Variants in RUNX3 observed in about 807,000 individuals in gnomAD.
RUNX3 encodes runt-related transcription factor 3.
In RUNX3, 10 loss-of-function variants were observed where a neutral mutation model predicts 27.7. The ratio of observed to expected loss-of-function variants is 0.36; its 90% confidence interval spans 0.22 to 0.61. The LOEUF (loss-of-function observed/expected upper bound fraction) is 0.61. Among genes scored for constraint, RUNX3 ranks in the 20% least tolerant of loss-of-function variants. RUNX3 has a pLI of 0.72. For missense variants in RUNX3, 469 were observed against 629.5 expected, an observed-to-expected ratio of 0.75 and a Z score of 2.73; for synonymous variants, 270 against 269.2, an observed-to-expected ratio of 1.00 and a Z score of -0.03.
At chr1:24,928,875 G>C (rs933673115) in intron 1 of RUNX3, 36 of 363,058 alleles carry the variant, frequency 9.9e-5, no homozygotes, top group Non-Finnish European at 1.5e-4. Flanking sequence ...CTTTTCTCAC[G>C]GCAGCTGTGA....
chr1:24,917,728 AG>A (rs1640915972), intron 3 of RUNX3, among the ~76,000 whole-genome samples: 1 of 152,176 alleles, frequency 6.6e-6, no homozygotes, highest in Admixed American at 6.5e-5. Context: ...TTTTCAGTTC[AG>A]GAAACTGAGG....
chr1:24,938,973 A>G (rs1641411785), intron 2 of RUNX3, among the ~76,000 whole-genome samples: 1 of 152,204 alleles, frequency 6.6e-6, no homozygotes, highest in South Asian at 2.1e-4. Flanking sequence ...AGAGTGAACT[A>G]AGACACTCTC....
intron 2 of RUNX3, among the ~76,000 whole-genome samples, chr1:24,953,378 A>C (rs1396825830): frequency 1.7e-5 from 2 of 115,080 alleles, no homozygotes; most frequent in Non-Finnish European, 3.6e-5. Context: ...AAAAAAAAAA[A>C]AGAAAAGAAA....
rs553850179 is a variant in RUNX3 at position 24,916,108 on chromosome 1, C to T, written c.544+3132G>A. On this transcript the variant is annotated intron_variant, in intron 3 of 4. Transcript: ENST00000308873. This position sits in a 1 kb window ranked among gnomAD's most constrained non-coding sequence, Gnocchi z 4.8. ...CTCAGGGATCTACAGATTCCCAGTC[C>T]TTGGCTCCCAGGACCAGCCCCTACT... Among the ~76,000 whole-genome samples, 7 of 152,350 alleles carry T rather than the reference C, an allele frequency of 4.6e-5. No homozygotes were observed. The highest frequency in any genetic ancestry group is 4.6e-4 in the Admixed American group (7 of 15,302).
chr1:24,959,782 T>G (rs914982675), intron 2 of RUNX3, among the ~76,000 whole-genome samples: 1 of 152,034 alleles, frequency 6.6e-6, no homozygotes, highest in Non-Finnish European at 1.5e-5. Flanking sequence ...CAGGCCTGCC[T>G]CATACCCAAG....
chr1:24,920,854 C>A lies in RUNX3; in HGVS notation c.440-1510G>T, dbSNP rs6656305. On this transcript the variant is annotated intron_variant, in intron 2 of 4. Transcript: ENST00000308873. ...TTCTACAGTGAATTCTCTGATGTGTCTGGGAGTTTGGGGGTCTGGGTAAGA... is the reference window on the plus strand; with the variant it reads ...TTCTACAGTGAATTCTCTGATGTGTATGGGAGTTTGGGGGTCTGGGTAAGA... Among the ~76,000 whole-genome samples the A allele has an allele frequency of 8.1e-3, 1,234 of 152,292 alleles. 20 individuals are homozygous for A. Among genetic ancestry groups the A allele is most frequent in the African/African-American group, 0.028 (1,168 of 41,530 alleles).
rs1243619895 is a variant in RUNX3, at chr1:24,946,271, A to T, written c.59-16419T>A. Among the ~76,000 whole-genome samples, 3 of 152,226 alleles carry T rather than the reference A, an allele frequency of 2.0e-5. No homozygotes were observed. In the East Asian group the frequency reaches 5.8e-4, roughly 29 times the overall value. On this transcript the variant is annotated intron_variant, in intron 2 of 6. Coordinates refer to the RUNX3 transcript ENST00000338888. ...AAATAATAAAATTATGAAGAAGAAA[A>T]TTAAAACCATCCATAATCCTGCCAC...
chr1:24,930,333 G>C (rs1365029803), upstream of RUNX3: 1 of 597,714 alleles, frequency 1.7e-6, no homozygotes, highest in Non-Finnish European at 2.1e-6. This position sits in a 1 kb window ranked among gnomAD's most constrained non-coding sequence, Gnocchi z 4.1. Context: ...GGCGGGGCTG[G>C]CGGAGCGACG....
At chr1:24,947,328 T>C (rs1641633100) in intron 2 of RUNX3, among the ~76,000 whole-genome samples, 1 of 152,248 alleles carries the variant, frequency 6.6e-6, no homozygotes, top group African/African-American at 2.4e-5. Context: ...AGCCAGGTCC[T>C]GTGCCTGTTT....
At position 24,927,478 on chromosome 1, in the gene RUNX3, C is replaced by G. The variant is rs111937885; in HGVS notation, c.439+96G>C. ...TTTAGACAGAGCTGCATCTGGAGACCTGTTTTTCGGGATTCTAAGGCCCCT... is the reference window on the plus strand; with the variant it reads ...TTTAGACAGAGCTGCATCTGGAGACGTGTTTTTCGGGATTCTAAGGCCCCT... On this transcript the variant is annotated intron_variant, in intron 2 of 4. Transcript: ENST00000308873. The surrounding 1 kb of genome is among the most constrained non-coding windows in gnomAD (Gnocchi z 5.0). 1,007 of 1,200,296 alleles carry G rather than the reference C, an allele frequency of 8.4e-4. 3 individuals carry two copies. The highest frequency in any genetic ancestry group is 7.8e-3 in the Middle Eastern group (34 of 4,334). The allele number at this position is 1,200,296 out of a possible 1,614,324, so 74.4% of individuals were successfully genotyped here. A position where few individuals can be genotyped will look rare whatever the true frequency, so the allele number is the denominator to read the frequency against.
rs1046179682 is a variant in RUNX3 at position 24,904,816 on chromosome 1, A to C, written c.704-2150T>G. Among the ~76,000 whole-genome samples the C allele has an allele frequency of 4.6e-5, 7 of 152,012 alleles. No homozygotes were observed. Among genetic ancestry groups the C allele is most frequent in the Admixed American group, 6.5e-5 (1 of 15,272 alleles). On this transcript the variant is annotated intron_variant, in intron 4 of 4. Transcript: ENST00000308873. The surrounding 1 kb of genome is among the most constrained non-coding windows in gnomAD (Gnocchi z 5.7). Reference sequence around the variant, plus strand: ...GGTGGTGGGGGAAGTACCTGCCCTCAGCACTCCCTCAGACCCCCCAGCAGC... The same window carrying C: ...GGTGGTGGGGGAAGTACCTGCCCTCCGCACTCCCTCAGACCCCCCAGCAGC...
chr1:24,926,722 C>T (rs972266303), intron 2 of RUNX3, among the ~76,000 whole-genome samples: 7 of 152,172 alleles, frequency 4.6e-5, no homozygotes, highest in African/African-American at 7.2e-5. Flanking sequence ...GGGAACCCAG[C>T]TTACTTCTTA....
At chr1:24,961,059 T>C (rs530511255) in intron 2 of RUNX3, among the ~76,000 whole-genome samples, 2 of 151,410 alleles carry the variant, frequency 1.3e-5, no homozygotes, top group East Asian at 3.9e-4. Context: ...TACTGCAGGA[T>C]GGGAACCAAA....
rs1557845725 is a variant in RUNX3 at position 24,927,740 on chromosome 1, CG to C, written c.283-11del. 4 of 1,602,504 alleles carry C rather than the reference CG, an allele frequency of 2.5e-6. No individual in the cohort carries two copies. The highest frequency in any genetic ancestry group is 3.4e-6 in the Non-Finnish European group (4 of 1,173,252). On this transcript the variant is annotated splice_polypyrimidine_tract_variant and intron_variant, in intron 1 of 4. Transcript: ENST00000308873. The surrounding 1 kb of genome is among the most constrained non-coding windows in gnomAD (Gnocchi z 5.0). ...CCCCCAATGCCACCACCTGAAGACA[CG>C]GGGCGGGGGGATGCAGGGGGACAGC...
At chr1:24,909,555 C>G (rs1198800391) in intron 3 of RUNX3, among the ~76,000 whole-genome samples, 4 of 152,208 alleles carry the variant, frequency 2.6e-5, no homozygotes, top group Non-Finnish European at 5.9e-5. Flanking sequence ...ATCCTCCCTG[C>G]TACGGAAGGG....
chr1:24,915,228 A>T (rs1422173483), intron 3 of RUNX3, among the ~76,000 whole-genome samples: 1 of 152,182 alleles, frequency 6.6e-6, no homozygotes, highest in Non-Finnish European at 1.5e-5. Flanking sequence ...GTTCAAGACT[A>T]GCCTGGCCAA....
rs1327683717 is a variant in RUNX3 at position 24,943,270 on chromosome 1, A to AG, written c.59-13419dup. On this transcript the variant is annotated intron_variant, in intron 2 of 6. Transcript: ENST00000338888. The surrounding 1 kb of genome is among the most constrained non-coding windows in gnomAD (Gnocchi z 4.6). ...TGGGAGCATGCTGGCAGCAGGGTGG[A>AG]GGGGGGTGTCTGGAGACTCAGAATC... 6.6e-6 allele frequency among the ~76,000 whole-genome samples: 1 copy of AG among 152,052 alleles called. No individual in the cohort carries two copies. Among genetic ancestry groups the AG allele is most frequent in the Non-Finnish European group, 1.5e-5 (1 of 67,972 alleles).
chr1:24,964,811 A>G, intron 1 of RUNX3: 2 of 1,053,892 alleles, frequency 1.9e-6, no homozygotes, highest in Non-Finnish European at 2.6e-6. Context: ...AAAAATCCCC[A>G]AGGAAAGTAA....
At chr1:24,950,851 T>C (rs1641742744) in intron 2 of RUNX3, among the ~76,000 whole-genome samples, 1 of 152,016 alleles carries the variant, frequency 6.6e-6, no homozygotes, top group Non-Finnish European at 1.5e-5. Flanking sequence ...CCAGGAGAGC[T>C]GAGGAGCCTA....
Sources: allele counts gnomAD v4.1 joint callset (sites outside exome capture counted in the v4.1 genomes callset), GRCh38; gene constraint gnomAD v4.1.1; non-coding constraint Gnocchi (gnomAD v3.1); transcripts MANE v1.5; gene names NCBI Gene and HGNC (gene_info 2026-07-23, HGNC 2026-07-21).